SCAPER: variants seen among roughly 807,000 people sequenced by gnomAD.
The protein encoded by SCAPER is S-phase cyclin A associated protein in the ER.
A neutral mutation model predicts 182.2 loss-of-function variants in SCAPER; 98 were observed. The observed-to-expected ratio is 0.54, with a 90% CI of 0.46 to 0.64. The LOEUF (loss-of-function observed/expected upper bound fraction) is 0.64, where lower values mean the gene tolerates loss of function less well. Ranked by LOEUF, SCAPER falls within the 30% of genes least tolerant of loss-of-function variation. SCAPER has a pLI of 0.00. For missense variants in SCAPER, 1,432 were observed against 1,690.0 expected, an observed-to-expected ratio of 0.85 and a Z score of 2.68; for synonymous variants, 605 against 564.6, an observed-to-expected ratio of 1.07 and a Z score of -1.01.
intron 21 of SCAPER, among the ~76,000 whole-genome samples, chr15:76,638,333 T>C (rs1214688579): frequency 6.6e-6 from 1 of 152,188 alleles, no homozygotes; most frequent in Non-Finnish European, 1.5e-5. Context: ...ACTTTTATTT[T>C]TCCCTTTCTG....
chr15:76,582,955 T>C (rs2048367795), intron 22 of SCAPER, among the ~76,000 whole-genome samples: 1 of 152,024 alleles, frequency 6.6e-6, no homozygotes, highest in African/African-American at 2.4e-5. Flanking sequence ...TATACAAAAG[T>C]CAAATCAAAG....
intron 29 of SCAPER, among the ~76,000 whole-genome samples, chr15:76,369,845 C>A (rs1348202697): frequency 6.6e-6 from 1 of 152,212 alleles, no homozygotes; most frequent in African/African-American, 2.4e-5. Context: ...CGCAGCCTGA[C>A]TGGCATGGAG....
chr15:76,394,839 T>C (rs1303304989), intron 27 of SCAPER, among the ~76,000 whole-genome samples: 4 of 152,224 alleles, frequency 2.6e-5, no homozygotes, highest in Admixed American at 6.5e-5. Flanking sequence ...TCCTTTGTGT[T>C]ACAAACTATC....
At chr15:76,767,847 C>T (rs901438468) in intron 10 of SCAPER, among the ~76,000 whole-genome samples, 2 of 151,794 alleles carry the variant, frequency 1.3e-5, no homozygotes, top group Non-Finnish European at 2.9e-5. Context: ...TAAGACTGAG[C>T]TATATGTTTC....
intron 25 of SCAPER, among the ~76,000 whole-genome samples, chr15:76,470,509 T>C (rs1213549029): frequency 6.6e-6 from 1 of 152,132 alleles, no homozygotes; most frequent in East Asian, 1.9e-4. Context: ...TGAGTAAAAG[T>C]ACATTGGTTC....
At chr15:76,740,558 G>A (rs908638503) in intron 15 of SCAPER, among the ~76,000 whole-genome samples, 3 of 151,980 alleles carry the variant, frequency 2.0e-5, no homozygotes, top group African/African-American at 4.8e-5. Flanking sequence ...CTAAGATAAT[G>A]GAATAATGTC....
At chr15:76,671,593 C>T (rs531151694) in intron 20 of SCAPER, among the ~76,000 whole-genome samples, 22 of 152,040 alleles carry the variant, frequency 1.4e-4, no homozygotes, top group African/African-American at 4.8e-4. Context: ...CACGGTGAAA[C>T]GCCGTCTCTA....
chr15:76,594,278 A>C lies in SCAPER; in HGVS notation c.2712-19994T>G, dbSNP rs187842822. Among the ~76,000 whole-genome samples, 9 of 120,626 alleles carry C rather than the reference A, an allele frequency of 7.5e-5. 2 individuals are homozygous for C. Among genetic ancestry groups the C allele is most frequent in the African/African-American group, 1.5e-4 (6 of 39,668 alleles). 79.1% of individuals were successfully genotyped at this position (120,626 alleles called of 152,430 possible). A position where few individuals can be genotyped will look rare whatever the true frequency, so the allele number is the denominator to read the frequency against. On this transcript the variant is annotated intron_variant, in intron 22 of 31. Transcript: ENST00000563290. ...AAAGCATGAAGACAAGATTAGAGAA[A>C]AAAGAATAGAAAGGAATGAACAAAG...
intron 7 of SCAPER, among the ~76,000 whole-genome samples, chr15:76,799,675 A>C (rs2065608289): frequency 6.6e-6 from 1 of 152,162 alleles, no homozygotes; most frequent in Non-Finnish European, 1.5e-5. Flanking sequence ...ACATCTTGAA[A>C]TAAGAAGGAA....
intron 22 of SCAPER, among the ~76,000 whole-genome samples, chr15:76,614,802 A>T (rs1045885343): frequency 6.6e-6 from 1 of 152,208 alleles, no homozygotes; most frequent in African/African-American, 2.4e-5. Context: ...AATTTTTTAA[A>T]ATAGAGAAAA....
chr15:76,427,245 A>G (rs923744882), intron 26 of SCAPER, among the ~76,000 whole-genome samples: 5 of 152,228 alleles, frequency 3.3e-5, no homozygotes, highest in African/African-American at 1.2e-4. Context: ...AAATGCTTTT[A>G]CACAGCAAAG....
At chr15:76,822,456 T>C (rs1264819473) in intron 5 of SCAPER, among the ~76,000 whole-genome samples, 3 of 152,234 alleles carry the variant, frequency 2.0e-5, no homozygotes, top group African/African-American at 4.8e-5. Flanking sequence ...TCTGCACAAC[T>C]TAAAACCAGT....
intron 7 of SCAPER, among the ~76,000 whole-genome samples, chr15:76,800,037 A>G (rs16968490): frequency 0.051 from 7,747 of 151,514 alleles, 585 homozygotes; most frequent in African/African-American, 0.16. Flanking sequence ...AGATCTAGGA[A>G]CCTTAGCAGA....
rs893779900 is a variant in SCAPER at position 76,409,763 on chromosome 15, G to A, written c.3312-5084C>T. ...CAATTCCATGGTTTCAACTATCCTC[G>A]ATATGTTAATAATAATTCCCAATTC... is the stretch of plus-strand genomic sequence containing the variant. On this transcript the variant is annotated intron_variant, in intron 26 of 31. Transcript: ENST00000563290. 3.3e-5 allele frequency among the ~76,000 whole-genome samples: 5 copies of A among 151,866 alleles called. No homozygotes were observed. In the East Asian group the frequency reaches 9.7e-4, roughly 29 times the overall value.
intron 21 of SCAPER, among the ~76,000 whole-genome samples, chr15:76,651,680 C>T (rs1031545544): frequency 6.7e-6 from 1 of 148,280 alleles, no homozygotes; most frequent in African/African-American, 2.5e-5. Context: ...CCAAATTCTA[C>T]CAGACATACA....
At chr15:76,559,716 C>A (rs1330030558) in intron 23 of SCAPER, among the ~76,000 whole-genome samples, 2 of 152,104 alleles carry the variant, frequency 1.3e-5, no homozygotes, top group Non-Finnish European at 2.9e-5. Context: ...AAGAAGAGAG[C>A]AATGGATACC....
chr15:76,739,160 T>C (rs1010033990), intron 15 of SCAPER, among the ~76,000 whole-genome samples: 6 of 152,216 alleles, frequency 3.9e-5, no homozygotes, highest in African/African-American at 1.4e-4. Flanking sequence ...ATTTTATACA[T>C]GGGATTTGAG....
intron 22 of SCAPER, among the ~76,000 whole-genome samples, chr15:76,620,149 T>C (rs1257502169): frequency 6.6e-6 from 1 of 152,174 alleles, no homozygotes; most frequent in Non-Finnish European, 1.5e-5. Context: ...TATATTTATA[T>C]TTTCTAAGTG....
chr15:76,638,042 T>C (rs2053790171), intron 21 of SCAPER, among the ~76,000 whole-genome samples: 1 of 152,126 alleles, frequency 6.6e-6, no homozygotes, highest in Non-Finnish European at 1.5e-5. Flanking sequence ...ATTCTGGACA[T>C]AAATCCTTCA....
Sources: allele counts gnomAD v4.1 joint callset (sites outside exome capture counted in the v4.1 genomes callset), GRCh38; gene constraint gnomAD v4.1.1; transcripts MANE v1.5; gene names NCBI Gene and HGNC (gene_info 2026-07-23, HGNC 2026-07-21).